Variants in CSMD1 observed in about 807,000 individuals in gnomAD.
CSMD1 encodes CUB and Sushi multiple domains 1.
A neutral mutation model predicts 417.5 loss-of-function variants in CSMD1; 213 were observed. The observed-to-expected ratio is 0.51, with a 90% CI of 0.46 to 0.57. The LOEUF (loss-of-function observed/expected upper bound fraction) is 0.57. CSMD1 is among the 20% of genes least tolerant of loss of function. CSMD1 has a pLI of 0.00. For missense variants in CSMD1, 6,923 were observed against 4,529.7 expected (o/e 1.53, Z -15.17); for synonymous variants, 2,862 against 1,736.8 (o/e 1.65, Z -16.11).
At chr8:3,908,215 T>A (rs1268139521) in intron 5 of CSMD1, among the ~76,000 whole-genome samples, 3 of 151,802 alleles carry the variant, frequency 2.0e-5, no homozygotes, top group Non-Finnish European at 4.4e-5. Context: ...ATAGTCATTA[T>A]CAAATTTAAT....
At chr8:4,244,687 C>T (rs149400395) in intron 3 of CSMD1, among the ~76,000 whole-genome samples, 156 of 152,186 alleles carry the variant, frequency 1.0e-3, no homozygotes, top group African/African-American at 3.7e-3. Flanking sequence ...GTTATTTTCA[C>T]ACATCATTCC....
At chr8:3,969,944 C>A (rs768115322) in intron 5 of CSMD1, among the ~76,000 whole-genome samples, 2 of 152,126 alleles carry the variant, frequency 1.3e-5, no homozygotes, top group Non-Finnish European at 2.9e-5. Context: ...TTTAAACAAC[C>A]TCTCCCAGCA....
intron 2 of CSMD1, among the ~76,000 whole-genome samples, chr8:4,453,855 T>C (rs1189209333): frequency 8.4e-6 from 1 of 118,894 alleles, no homozygotes; most frequent in African/African-American, 3.2e-5. Flanking sequence ...AGAGTCTCAC[T>C]CTGTCACCCA....
intron 2 of CSMD1, among the ~76,000 whole-genome samples, chr8:4,505,263 T>C (rs146451956): frequency 6.6e-6 from 1 of 152,122 alleles, no homozygotes; most frequent in Non-Finnish European, 1.5e-5. Flanking sequence ...AAAATAATAA[T>C]GATAAATGTG....
intron 50 of CSMD1, among the ~76,000 whole-genome samples, chr8:3,033,523 C>G (rs1321142759): frequency 3.9e-5 from 6 of 151,970 alleles, no homozygotes; most frequent in Non-Finnish European, 5.9e-5. Flanking sequence ...ACCGCGTGTT[C>G]TCATTTATAA....
At chr8:4,016,589 C>A (rs546946839) in intron 4 of CSMD1, among the ~76,000 whole-genome samples, 1 of 152,138 alleles carries the variant, frequency 6.6e-6, no homozygotes, top group African/African-American at 2.4e-5. Flanking sequence ...TCCTAAAAAG[C>A]CTTTCCCCAG....
chr8:3,182,840 A>AGGGGTGTGTGTGTGTGTGTGTGTGGG (rs746430415), intron 36 of CSMD1, among the ~76,000 whole-genome samples: 1 of 45,168 alleles, frequency 2.2e-5, no homozygotes, highest in Non-Finnish European at 3.9e-5. Flanking sequence ...CTTTATAAGA[A>AGGGGTGTGTGTGTGTGTGTGTGTGGG]GGTGTGTGTG....
intron 41 of CSMD1, among the ~76,000 whole-genome samples, chr8:3,138,181 G>C (rs1659662964): frequency 6.6e-6 from 1 of 152,168 alleles, no homozygotes. Context: ...AGCTGAGATT[G>C]TGCCACTGCA....
intron 50 of CSMD1, among the ~76,000 whole-genome samples, chr8:3,038,884 G>A (rs570630233): frequency 6.6e-6 from 1 of 152,150 alleles, no homozygotes; most frequent in African/African-American, 2.4e-5. Context: ...GAGCCACATA[G>A]AGGCTTAAAC....
rs146177351 is a variant in CSMD1, at chr8:3,516,129, G to C, written c.1345-22403C>G. On this transcript the variant is annotated intron_variant, in intron 10 of 69. Coordinates refer to ENST00000635120, the MANE Select transcript of CSMD1 (RefSeq NM_033225.6). ...TGGTCTCACAGAAAGAGGAGGAACA[G>C]AATGTAAATCTATGCATTTTGATTT... Among the ~76,000 whole-genome samples the C allele has an allele frequency of 2.7e-3, 416 of 152,280 alleles. 1 individual carries two copies. The highest frequency in any genetic ancestry group is 9.7e-3 in the African/African-American group (404 of 41,552).
intron 18 of CSMD1, among the ~76,000 whole-genome samples, chr8:3,374,052 A>C (rs909277813): frequency 2.6e-5 from 4 of 151,222 alleles, no homozygotes; most frequent in Admixed American, 2.6e-4. Flanking sequence ...TCCCGGGTTC[A>C]AGCAATTCTC....
intron 2 of CSMD1, among the ~76,000 whole-genome samples, chr8:4,461,348 G>T (rs1453052177): frequency 6.6e-6 from 1 of 151,784 alleles, no homozygotes; most frequent in Non-Finnish European, 1.5e-5. Flanking sequence ...CAGCATACTG[G>T]AGGTTTTAGC....
chr8:3,316,318 G>T (rs943582806), intron 23 of CSMD1, among the ~76,000 whole-genome samples: 3 of 152,010 alleles, frequency 2.0e-5, no homozygotes, highest in Non-Finnish European at 4.4e-5. Flanking sequence ...AAAATAATGA[G>T]CTGTAAAAAA....
At chr8:3,434,306 A>G (rs990913943) in intron 12 of CSMD1, among the ~76,000 whole-genome samples, 1 of 152,202 alleles carries the variant, frequency 6.6e-6, no homozygotes, top group Non-Finnish European at 1.5e-5. Context: ...TGCAAAACTC[A>G]TCTAATTACC....
intron 7 of CSMD1, among the ~76,000 whole-genome samples, chr8:3,617,902 T>G (rs1802222731): frequency 1.3e-5 from 2 of 152,346 alleles, no homozygotes; most frequent in African/African-American, 4.8e-5. Context: ...ATATTTTAAA[T>G]AATTCCGTGA....
chr8:3,631,161 G>C (rs906451184), intron 7 of CSMD1, among the ~76,000 whole-genome samples: 7 of 152,130 alleles, frequency 4.6e-5, no homozygotes, highest in Non-Finnish European at 1.0e-4. Flanking sequence ...GTGCACCCTG[G>C]CTAAACCGGC....
chr8:4,486,965 G>T (rs1801446776), intron 2 of CSMD1, among the ~76,000 whole-genome samples: 1 of 152,160 alleles, frequency 6.6e-6, no homozygotes, highest in African/African-American at 2.4e-5. Flanking sequence ...CACAGAGAGA[G>T]ATGCACAGCT....
chr8:3,992,209 C>A (rs1215657101), intron 5 of CSMD1, among the ~76,000 whole-genome samples: 1 of 151,162 alleles, frequency 6.6e-6, no homozygotes, highest in East Asian at 1.9e-4. Context: ...ATTTATTTCC[C>A]ATTTATGCTA....
chr8:4,637,770 A>C (rs1802924896), intron 1 of CSMD1, among the ~76,000 whole-genome samples: 2 of 145,038 alleles, frequency 1.4e-5, no homozygotes, highest in African/African-American at 2.5e-5. Flanking sequence ...TCCCGGGTTC[A>C]CGCCATTCTC....
Sources: gnomAD v4.1 joint callset for allele counts (sites outside exome capture counted in the v4.1 genomes callset) on GRCh38, gnomAD v4.1.1 for gene constraint, MANE v1.5 for transcripts, NCBI Gene and HGNC (gene_info 2026-07-23, HGNC 2026-07-21) for gene names.